PI4KA: variants seen among roughly 807,000 people sequenced by gnomAD.
The protein encoded by PI4KA is phosphatidylinositol 4-kinase alpha, also known as PI4-kinase alpha.
In PI4KA, 122 loss-of-function variants were observed where a neutral mutation model predicts 271.4. The observed-to-expected ratio is 0.45, with a 90% CI of 0.39 to 0.52. The LOEUF is 0.52. Ranked by LOEUF, PI4KA falls within the 20% of genes least tolerant of loss-of-function variation. The pLI, the probability that PI4KA is intolerant of heterozygous loss-of-function variation, is 0.00. For synonymous variants in PI4KA, 1,041 were observed against 1,078.8 expected, an observed-to-expected ratio of 0.96 and a Z score of 0.69; for missense variants, 1,969 against 2,769.1, an observed-to-expected ratio of 0.71 and a Z score of 6.48.
chr22:20,788,350 A>C (rs1322264355), intron 19 of PI4KA, among the ~76,000 whole-genome samples: 1 of 152,176 alleles, frequency 6.6e-6, no homozygotes, highest in Non-Finnish European at 1.5e-5. Flanking sequence ...CAGTAAGAAG[A>C]GTGGTAAAAG....
intron 7 of PI4KA, among the ~76,000 whole-genome samples, chr22:20,817,109 T>C (rs1023487588): frequency 6.6e-6 from 1 of 152,202 alleles, no homozygotes. Context: ...ATATAGAATG[T>C]AACCTGTTAC....
At chr22:20,852,604 C>G (rs1927124369) in intron 1 of PI4KA, among the ~76,000 whole-genome samples, 1 of 152,126 alleles carries the variant, frequency 6.6e-6, no homozygotes, top group South Asian at 2.1e-4. Context: ...GATTTAATAA[C>G]AATGATTCTG....
At chr22:20,714,605 G>C in intron 46 of PI4KA, 23 bp downstream of exon 46, 1 of 1,613,926 alleles carries the variant, frequency 6.2e-7, no homozygotes, top group East Asian at 2.2e-5. Flanking sequence ...GGAAGTGGGG[G>C]ATGGGTAGGG....
intron 3 of PI4KA, among the ~76,000 whole-genome samples, chr22:20,829,108 G>A (rs1923821823): frequency 1.3e-5 from 2 of 152,070 alleles, no homozygotes; most frequent in Non-Finnish European, 1.5e-5. Flanking sequence ...TCATCTATTG[G>A]CCTGAAGTTT....
intron 1 of PI4KA, among the ~76,000 whole-genome samples, chr22:20,846,263 C>CAAAAAAAAAA (rs361641): frequency 1.2e-5 from 1 of 82,088 alleles, no homozygotes; most frequent in Non-Finnish European, 2.4e-5. Context: ...GACTCTATCT[C>CAAAAAAAAAA]AAAAAAAAAA....
chr22:20,837,328 G>A (rs547298590), intron 2 of PI4KA, among the ~76,000 whole-genome samples: 1 of 152,206 alleles, frequency 6.6e-6, no homozygotes, highest in African/African-American at 2.4e-5. Context: ...ATTAAATAAT[G>A]ACTGTGCCAC....
At chr22:20,710,929 G>A in intron 51 of PI4KA, 71 bp from the exon 52 acceptor site, 1 of 1,576,932 alleles carries the variant, frequency 6.3e-7, no homozygotes, top group African/African-American at 1.3e-5. Flanking sequence ...GGTCTGTTTT[G>A]AGGAGTGGAA....
intron 2 of PI4KA, 46 bp from the exon 3 acceptor site, chr22:20,834,701 GTGAT>G (rs748411918): frequency 5.3e-5 from 66 of 1,249,468 alleles, no homozygotes; most frequent in Non-Finnish European, 7.1e-5. Context: ...AATAAAATAA[GTGAT>G]TGGCAGCTTT....
intron 42 of PI4KA, 126 bp from the exon 43 acceptor site, chr22:20,721,544 G>A: frequency 4.3e-6 from 4 of 932,006 alleles, no homozygotes; most frequent in Non-Finnish European, 5.1e-6. Flanking sequence ...CTCTAGTGGT[G>A]TGGACAAGCT....
At chr22:20,846,137 G>A (rs1926209569) in intron 1 of PI4KA, among the ~76,000 whole-genome samples, 1 of 151,560 alleles carries the variant, frequency 6.6e-6, no homozygotes, top group Non-Finnish European at 1.5e-5. Context: ...GGTGGCGGGT[G>A]CCTGTAGTCC....
chr22:20,741,794 T>A (rs1477565392), intron 32 of PI4KA, among the ~76,000 whole-genome samples: 1 of 152,196 alleles, frequency 6.6e-6, no homozygotes, highest in Non-Finnish European at 1.5e-5. Flanking sequence ...TCTAATCAGC[T>A]GAAACGTGAG....
At position 20,786,235 on chromosome 22, in the gene PI4KA, C is replaced by G. The variant is rs139765184; in HGVS notation, c.2328+6958G>C. ...TCCACTTGCCCTTCCTACCCACCCCCCAATCTCATGTCCCAGCTTGGGGTG... is the reference window on the plus strand; with the variant it reads ...TCCACTTGCCCTTCCTACCCACCCCGCAATCTCATGTCCCAGCTTGGGGTG... On this transcript the variant is annotated intron_variant, in intron 19 of 54. Coordinates refer to ENST00000255882, the MANE Select transcript of PI4KA (RefSeq NM_058004.4). 8.1e-3 allele frequency: 11,578 copies of G among 1,425,250 alleles called. 75 individuals carry two copies. Among genetic ancestry groups the G allele is most frequent in the Non-Finnish European group, 0.01 (10,387 of 1,014,374 alleles). The allele number at this position is 1,425,250 out of a possible 1,614,324, so 88.3% of individuals were successfully genotyped here.
At chr22:20,757,613 A>C (rs1437890681) in intron 23 of PI4KA, among the ~76,000 whole-genome samples, 1 of 151,604 alleles carries the variant, frequency 6.6e-6, no homozygotes, top group Non-Finnish European at 1.5e-5. Context: ...GTGTGATCTC[A>C]GCTCACTGCA....
Position 20,749,926 on chromosome 22 carries a change from G to A in PI4KA, c.3222C>T (p.Thr1074=), listed in dbSNP as rs530547478. The A allele has an allele frequency of 1.8e-5, 29 of 1,610,896 alleles. No homozygotes were observed. The highest frequency in any genetic ancestry group is 1.0e-4 in the Admixed American group (6 of 60,014). The part of the protein sequence containing the change: ...ILQEAMKWAP[T]VTKSHLQEYL... ...GTACCTGCAGGTGGGACTTGGTGAC[G>A]GTAGGTGCCCACTTCATGGCCTCCT... is the stretch of plus-strand genomic sequence containing the variant. The change falls in exon 28 of 55, where the codon ACC becomes ACT. Residue 1074 remains threonine (T), a synonymous_variant. Transcript: ENST00000255882.
In PI4KA at chr22:20,798,060, C is replaced by T. The variant is rs12628718; in HGVS notation, c.2108+524G>A. Among the ~76,000 whole-genome samples the T allele has an allele frequency of 4.1e-3, 626 of 152,304 alleles. 14 individuals are homozygous for T. Among genetic ancestry groups the T allele is most frequent in the East Asian group, 0.024 (124 of 5,182 alleles). On this transcript the variant is annotated intron_variant, in intron 17 of 54. Coordinates refer to ENST00000255882, the MANE Select transcript of PI4KA (RefSeq NM_058004.4). ...TATACAAGTATCAAATGTTCAAGGA[C>T]GTTTAACGCCTACTTCCTTGGACCC...
intron 19 of PI4KA, among the ~76,000 whole-genome samples, chr22:20,770,579 GACACACACAC>G (rs528696021): frequency 0.16 from 15,311 of 95,796 alleles, 1,253 homozygotes; most frequent in East Asian, 0.29. Context: ...GCTGGACACG[GACACACACAC>G]ACACACACAC....
chr22:20,824,732 T>TCACACACACACACA (rs361914), intron 3 of PI4KA, among the ~76,000 whole-genome samples: 10 of 136,296 alleles, frequency 7.3e-5, no homozygotes, highest in South Asian at 2.5e-4. Flanking sequence ...ATGTGATAAA[T>TCACACACACACACA]CACACACACA....
At position 20,729,627 on chromosome 22, in the gene PI4KA, C is replaced by T; in HGVS notation, c.4488+5G>A. On this transcript the variant is annotated splice_donor_5th_base_variant and intron_variant, in intron 38 of 54. Transcript: ENST00000255882. ...AGCAGGCACAGCTGCACCTGTGGGC[C>T]TTACCAGCAGGGACAGCAGCAGCGT... is the stretch of plus-strand genomic sequence containing the variant. 6.4e-7 allele frequency: 1 copy of T among 1,564,906 alleles called. No individual in the cohort carries two copies. Among genetic ancestry groups the T allele is most frequent in the Non-Finnish European group, 8.7e-7 (1 of 1,153,526 alleles).
chr22:20,842,235 A>G (rs971711241), intron 1 of PI4KA, among the ~76,000 whole-genome samples: 4 of 151,698 alleles, frequency 2.6e-5, no homozygotes, highest in African/African-American at 9.7e-5. Context: ...CTCAATATAT[A>G]CATATTAAAA....
Sources: allele counts gnomAD v4.1 joint callset (sites outside exome capture counted in the v4.1 genomes callset), GRCh38; gene constraint gnomAD v4.1.1; transcripts MANE v1.5; gene names NCBI Gene and HGNC (gene_info 2026-07-23, HGNC 2026-07-21).